TLN2: variants seen among roughly 807,000 people sequenced by gnomAD.
TLN2 encodes talin-2.
TLN2 carries 118 observed loss-of-function variants against 294.7 expected under a neutral mutation model. The ratio of observed to expected loss-of-function variants is 0.40; its 90% CI spans 0.34 to 0.47. TLN2 has a LOEUF of 0.47. TLN2 is among the 20% of genes least tolerant of loss of function. The pLI, the probability that TLN2 is intolerant of heterozygous loss-of-function variation, is 0.84. For missense variants in TLN2, 3,083 were observed against 3,282.2 expected, an observed-to-expected ratio of 0.94 and a Z score of 1.48; for synonymous variants, 1,431 against 1,304.5, an observed-to-expected ratio of 1.10 and a Z score of -2.09.
intron 14 of TLN2, 57 bp downstream of exon 14, chr15:62,694,449 T>A (rs1182004791): frequency 6.8e-7 from 1 of 1,473,262 alleles, no homozygotes; most frequent in Non-Finnish European, 9.5e-7. Context: ...GTAGGTTTCC[T>A]CTTGCCAGCT....
intron 1 of TLN2, among the ~76,000 whole-genome samples, chr15:62,399,849 C>T (rs12916960): frequency 0.036 from 5,546 of 152,246 alleles, 166 homozygotes; most frequent in African/African-American, 0.085. Context: ...TGCCTTGTCT[C>T]AGATTAGACT....
chr15:62,797,319 T>G lies in TLN2; in HGVS notation c.6151T>G (p.Ser2051Ala), dbSNP rs1233334011. 1 of 1,613,530 alleles carries G rather than the reference T, an allele frequency of 6.2e-7. No individual in the cohort carries two copies. The highest frequency in any genetic ancestry group is 8.5e-7 in the Non-Finnish European group (1 of 1,179,998). ...TGACAAGCTGGCCCAGGCGGCCCAG[T>G]CCTCAGCAGCCACCATCACCCAGCT... ...TPDKLAQAAQ[S>A]SAATITQLAE... is the part of the protein sequence containing the mutation. The change falls in exon 48 of 59, where the codon TCC (serine) becomes GCC (alanine). Residue 2051 changes from serine to alanine, a missense_variant. Transcript: ENST00000636159.
chr15:62,809,822 T>C lies in TLN2; in HGVS notation c.6664-103T>C, dbSNP rs914916107. ...TCTTCTGTCCAGGGAGTCAGGGCAG[T>C]TTCTTGAGGTCACCAGGGTTAAGGT... On this transcript the variant is annotated intron_variant, in intron 51 of 58. Transcript: ENST00000636159. 9.3e-6 allele frequency: 10 copies of C among 1,075,382 alleles called. No individual in the cohort carries two copies. In the African/African-American group the frequency reaches 1.4e-4, roughly 15 times the overall value. 66.6% of individuals were successfully genotyped at this position (1,075,382 alleles called of 1,614,324 possible). A position where few individuals can be genotyped will look rare whatever the true frequency, so the allele number is the denominator to read the frequency against.
chr15:62,638,248 CAGAATTTCCTCTTA>C, intron 3 of TLN2: 2 of 319,286 alleles, frequency 6.3e-6, no homozygotes, highest in Non-Finnish European at 1.2e-5. Context: ...CCTTCCTCAG[CAGAATTTCCTCTTA>C]ATTAGGCATC....
chr15:62,438,226 A>G (rs1408510866), intron 1 of TLN2, among the ~76,000 whole-genome samples: 5 of 152,198 alleles, frequency 3.3e-5, no homozygotes, highest in Non-Finnish European at 7.3e-5. Context: ...AAGGGAAAAC[A>G]GGGGCACTGG....
intron 1 of TLN2, among the ~76,000 whole-genome samples, chr15:62,421,213 C>G (rs910081566): frequency 2.2e-4 from 33 of 152,158 alleles, no homozygotes; most frequent in African/African-American, 7.2e-4. Context: ...TCAGTTTGGT[C>G]TGGGAACAAC....
intron 1 of TLN2, among the ~76,000 whole-genome samples, chr15:62,455,058 A>G (rs1309568973): frequency 6.6e-6 from 1 of 152,214 alleles, no homozygotes; most frequent in Non-Finnish European, 1.5e-5. Context: ...GTTACTAAGC[A>G]CAAGGAATTT....
chr15:62,795,379 T>C (rs147996785), intron 46 of TLN2, among the ~76,000 whole-genome samples: 36 of 151,776 alleles, frequency 2.4e-4, no homozygotes, highest in African/African-American at 8.7e-4. Context: ...GTAAGCAGGG[T>C]GTTAGTGTGG....
chr15:62,688,464 ACATAT>A (rs2057484504), intron 12 of TLN2, among the ~76,000 whole-genome samples: 1 of 152,158 alleles, frequency 6.6e-6, no homozygotes, highest in South Asian at 2.1e-4. Flanking sequence ...TTCAAAAAGA[ACATAT>A]ATTCTGCTAT....
rs2059468214 is a variant in TLN2 at position 62,712,174 on chromosome 15, A to AT, written c.2634+102dup. On this transcript the variant is annotated intron_variant, in intron 22 of 58. Coordinates refer to ENST00000636159, the MANE Select transcript of TLN2 (RefSeq NM_015059.3). The stretch of plus-strand genomic sequence containing the variant: ...ATGGGGCATGGTCATCCGAGTGTGC[A>AT]TTTTTGTTTGCTTAAAACCTATATG... 5.5e-5 allele frequency: 80 copies of AT among 1,466,896 alleles called. 1 individual carries two copies. The South Asian group carries it at 1.1e-3, about 19-fold the overall frequency. The allele number at this position is 1,466,896 out of a possible 1,614,324, so 90.9% of individuals were successfully genotyped here. A position where few individuals can be genotyped will look rare whatever the true frequency, so the allele number is the denominator to read the frequency against.
chr15:62,413,415 A>G (rs1000558832), intron 1 of TLN2, among the ~76,000 whole-genome samples: 4 of 152,184 alleles, frequency 2.6e-5, no homozygotes, highest in African/African-American at 7.2e-5. Context: ...AGTGAGTTTT[A>G]TTGCTAGTCC....
intron 22 of TLN2, among the ~76,000 whole-genome samples, chr15:62,714,912 G>C (rs1336578983): frequency 3.9e-5 from 6 of 152,214 alleles, no homozygotes; most frequent in Non-Finnish European, 8.8e-5. Context: ...CTGGTTTCCA[G>C]CTGCTCAAAA....
intron 31 of TLN2, chr15:62,740,413 C>G (rs1243929826): frequency 3.8e-6 from 2 of 530,220 alleles, no homozygotes; most frequent in African/African-American, 3.8e-5. Context: ...GGATGGATTT[C>G]TTTCCCTGTG....
At chr15:62,429,358 C>T (rs147732507) in intron 1 of TLN2, among the ~76,000 whole-genome samples, 1 of 152,274 alleles carries the variant, frequency 6.6e-6, no homozygotes, top group Non-Finnish European at 1.5e-5. Context: ...CCTTTAGGTG[C>T]TTCGAAAATC....
intron 1 of TLN2, among the ~76,000 whole-genome samples, chr15:62,580,374 C>G (rs559311089): frequency 2.6e-5 from 4 of 151,460 alleles, no homozygotes; most frequent in African/African-American, 9.7e-5. Flanking sequence ...CATAGTTTAC[C>G]TTAGAGTTTC....
chr15:62,552,249 T>C (rs952333839), intron 1 of TLN2, among the ~76,000 whole-genome samples: 1 of 152,234 alleles, frequency 6.6e-6, no homozygotes, highest in Non-Finnish European at 1.5e-5. Context: ...TATATTTTTA[T>C]TCTATTGTTA....
intron 3 of TLN2, 121 bp from the exon 4 acceptor site, chr15:62,647,154 G>C (rs1596481803): frequency 1.1e-6 from 1 of 951,230 alleles, no homozygotes; most frequent in African/African-American, 1.7e-5. Flanking sequence ...CTCTTTATTT[G>C]CTGTTTTATT....
intron 1 of TLN2, among the ~76,000 whole-genome samples, chr15:62,415,648 C>G (rs191529341): frequency 1.4e-3 from 208 of 152,298 alleles, no homozygotes; most frequent in South Asian, 2.3e-3. Flanking sequence ...CTGGGGTGAC[C>G]CAAAGGAAGA....
At chr15:62,505,151 G>T (rs978541418) in intron 1 of TLN2, among the ~76,000 whole-genome samples, 8 of 152,042 alleles carry the variant, frequency 5.3e-5, no homozygotes, top group Admixed American at 5.2e-4. Flanking sequence ...TAGAGACGGG[G>T]TTTCACCATG....
Sources: allele counts gnomAD v4.1 joint callset (sites outside exome capture counted in the v4.1 genomes callset), GRCh38; gene constraint gnomAD v4.1.1; transcripts MANE v1.5; gene names NCBI Gene and HGNC (gene_info 2026-07-23, HGNC 2026-07-21).